The following SLC24A4 variants were observed in gnomAD, a reference collection of about 807,000 sequenced individuals.
SLC24A4 encodes the protein solute carrier family 24 member 4, also known as sodium/potassium/calcium exchanger 4.
Under a neutral mutation model 79.0 loss-of-function variants are expected in SLC24A4, and 53 were observed. The ratio of observed to expected loss-of-function variants is 0.67; its 90% CI spans 0.54 to 0.84. The LOEUF is 0.84. SLC24A4 is among the 40% of genes least tolerant of loss of function. The probability of loss-of-function intolerance (pLI) is 0.00; values close to 1 mark genes in which losing one functional copy is unlikely to be tolerated. For synonymous variants in SLC24A4, 323 were observed against 323.8 expected, an observed-to-expected ratio of 1.00 and a Z score of 0.03; for missense variants, 731 against 822.0, an observed-to-expected ratio of 0.89 and a Z score of 1.35.
intron 12 of SLC24A4, among the ~76,000 whole-genome samples, chr14:92,474,843 G>GTATATATATA (rs1555374575): frequency 4.2e-5 from 1 of 23,872 alleles, no homozygotes; most frequent in Admixed American, 6.1e-4. Context: ...GTGTGTGTGT[G>GTATATATATA]TATATATATA....
intron 2 of SLC24A4, among the ~76,000 whole-genome samples, chr14:92,399,579 T>C (rs886322803): frequency 1.3e-5 from 2 of 152,234 alleles, no homozygotes; most frequent in African/African-American, 4.8e-5. Context: ...AAAGCTACTT[T>C]ATTGCTTTCT....
chr14:92,407,145 T>A (rs1445482030), intron 2 of SLC24A4, among the ~76,000 whole-genome samples: 1 of 152,062 alleles, frequency 6.6e-6, no homozygotes, highest in South Asian at 2.1e-4. Flanking sequence ...ATCCCTAGAG[T>A]AAGGGCAAAA....
intron 3 of SLC24A4, among the ~76,000 whole-genome samples, chr14:92,436,920 C>T (rs564558445): frequency 2.0e-5 from 3 of 152,178 alleles, no homozygotes; most frequent in Non-Finnish European, 4.4e-5. Flanking sequence ...TTTCTTTTTA[C>T]TTCTCTTCCC....
chr14:92,480,888 G>A (rs1895030229), intron 12 of SLC24A4, among the ~76,000 whole-genome samples: 2 of 152,052 alleles, frequency 1.3e-5, no homozygotes, highest in Non-Finnish European at 2.9e-5. Flanking sequence ...TATTATTGTT[G>A]CTTGTTTAGT....
At chr14:92,484,165 A>G (rs1431414691) in intron 13 of SLC24A4, 1 of 984,918 alleles carries the variant, frequency 1.0e-6, no homozygotes, top group African/African-American at 1.8e-5. Flanking sequence ...CCCCAACCCA[A>G]TCACGCCTTC....
intron 2 of SLC24A4, among the ~76,000 whole-genome samples, chr14:92,368,875 G>C (rs1158203408): frequency 6.6e-6 from 1 of 152,160 alleles, no homozygotes; most frequent in Non-Finnish European, 1.5e-5. Context: ...CTGTGGAAGA[G>C]GGGATTAACG....
chr14:92,425,479 C>A lies in SLC24A4; in HGVS notation c.242-8433C>A, dbSNP rs564703262. Among the ~76,000 whole-genome samples, 6 of 152,288 alleles carry A rather than the reference C, an allele frequency of 3.9e-5. No individual in the cohort carries two copies. The East Asian group carries it at 9.6e-4, about 24-fold the overall frequency. On this transcript the variant is annotated intron_variant, in intron 2 of 16. Coordinates refer to ENST00000532405, the MANE Select transcript of SLC24A4 (RefSeq NM_153646.4). ...GGTGGCTGTCATTGGCAAAACATGA[C>A]CATTTTGGGCCAATTGCTGCAGAGG...
Position 92,493,805 on chromosome 14 carries a change from ATCC to A in SLC24A4, c.*188_*190del. The A allele has an allele frequency of 5.6e-6, 4 of 715,664 alleles. No homozygotes were observed. The highest frequency in any genetic ancestry group is 1.9e-5 in the South Asian group (1 of 51,616). The allele number at this position is 715,664 out of a possible 1,614,324, so 44.3% of individuals were successfully genotyped here. On this transcript the variant is annotated 3_prime_UTR_variant, in exon 17 of 17. Coordinates refer to ENST00000532405, the MANE Select transcript of SLC24A4 (RefSeq NM_153646.4). ...CTGGCCACAGGCCAGGCTGCTGGGC[ATCC>A]TCCTCCTCCTTGGAGTTCCGCCCCT...
chr14:92,498,266 G>T lies in SLC24A4; in HGVS notation c.*4638G>T, dbSNP rs1896000724. The T allele has an allele frequency of 6.6e-6, 1 of 152,220 alleles. No homozygotes were observed. The highest frequency in any genetic ancestry group is 2.4e-5 in the African/African-American group (1 of 41,446). 9.4% of individuals were successfully genotyped at this position (152,220 alleles called of 1,614,324 possible). On this transcript the variant is annotated 3_prime_UTR_variant, in exon 17 of 17. Coordinates refer to ENST00000532405, the MANE Select transcript of SLC24A4 (RefSeq NM_153646.4). ...CTCCCTTGGGGCTTCTCAAAGCATG[G>T]AGAGGGGCCCTTCCTGTCCTTTGGG...
intron 12 of SLC24A4, among the ~76,000 whole-genome samples, chr14:92,479,325 T>G (rs1894936803): frequency 1.3e-5 from 2 of 152,212 alleles, no homozygotes; most frequent in Non-Finnish European, 2.9e-5. Flanking sequence ...TCGTTAAGTA[T>G]AAGTGCTAGC....
intron 2 of SLC24A4, among the ~76,000 whole-genome samples, chr14:92,351,303 C>T (rs552761003): frequency 7.9e-5 from 12 of 151,940 alleles, no homozygotes; most frequent in African/African-American, 1.4e-4. Flanking sequence ...AAATTATAGG[C>T]GTCCTAAAGG....
chr14:92,496,697 G>C lies in SLC24A4; in HGVS notation c.*3069G>C, dbSNP rs562142081. The C allele has an allele frequency of 1.3e-5, 2 of 152,242 alleles. No individual in the cohort carries two copies. The highest frequency in any genetic ancestry group is 2.9e-5 in the Non-Finnish European group (2 of 68,080). The allele number at this position is 152,242 out of a possible 1,614,324, so 9.4% of individuals were successfully genotyped here. On this transcript the variant is annotated 3_prime_UTR_variant, in exon 17 of 17. Coordinates refer to ENST00000532405, the MANE Select transcript of SLC24A4 (RefSeq NM_153646.4). ...GCACCGTGGGCAGGACACAGTCCTC[G>C]CCTTACCCACCCCATCCTTCCTGTT...
intron 12 of SLC24A4, among the ~76,000 whole-genome samples, chr14:92,470,127 A>G (rs1315898501): frequency 6.6e-6 from 1 of 152,210 alleles, no homozygotes; most frequent in Non-Finnish European, 1.5e-5. Context: ...GTGTGGTCCT[A>G]GGACTGTCAG....
chr14:92,453,651 G>A (rs1893279333), intron 10 of SLC24A4: 1 of 431,628 alleles, frequency 2.3e-6, no homozygotes, highest in African/African-American at 2.1e-5. Context: ...AGCATCAATT[G>A]CCCACGAGTG....
chr14:92,483,623 AC>A (rs2139926890), intron 13 of SLC24A4: 1 of 704,406 alleles, frequency 1.4e-6, no homozygotes, highest in South Asian at 1.5e-5. Context: ...CCCCATGTAA[AC>A]CTTTCATCGG....
chr14:92,392,664 C>T (rs539647947), intron 2 of SLC24A4, among the ~76,000 whole-genome samples: 4 of 152,268 alleles, frequency 2.6e-5, no homozygotes, highest in African/African-American at 9.6e-5. Flanking sequence ...TGTTGGTGTC[C>T]CCCAAATCCA....
chr14:92,410,371 A>C (rs962888366), intron 2 of SLC24A4, among the ~76,000 whole-genome samples: 5 of 152,052 alleles, frequency 3.3e-5, no homozygotes, highest in African/African-American at 1.2e-4. Context: ...GTAGAGACGG[A>C]GTCTTCTTAT....
chr14:92,425,864 C>A (rs1452060457), intron 2 of SLC24A4, among the ~76,000 whole-genome samples: 1 of 152,100 alleles, frequency 6.6e-6, no homozygotes, highest in Non-Finnish European at 1.5e-5. Context: ...CACCTGTAGT[C>A]CCAGCTGCTT....
At chr14:92,326,342 G>A (rs528454566) in intron 2 of SLC24A4, among the ~76,000 whole-genome samples, 93 of 152,166 alleles carry the variant, frequency 6.1e-4, no homozygotes, top group African/African-American at 2.1e-3. Context: ...GAGCTCTCAC[G>A]GTGGCAGATC....
Sources: gnomAD v4.1 joint callset for allele counts (sites outside exome capture counted in the v4.1 genomes callset) on GRCh38, gnomAD v4.1.1 for gene constraint, MANE v1.5 for transcripts, NCBI Gene and HGNC (gene_info 2026-07-23, HGNC 2026-07-21) for gene names.